The following ZBTB45 variants were observed in gnomAD, a reference collection of about 807,000 sequenced individuals.
The protein encoded by ZBTB45 is zinc finger and BTB domain containing 45.
Under a neutral mutation model 28.4 loss-of-function variants are expected in ZBTB45, and 22 were observed. That is an observed-to-expected ratio of 0.77 (90% CI 0.55 to 1.10). ZBTB45 has a LOEUF of 1.10. Ranked by LOEUF, ZBTB45 falls within the 50% of genes least tolerant of loss-of-function variation. The pLI is 0.00. For synonymous variants in ZBTB45, 361 were observed against 332.3 expected, an observed-to-expected ratio of 1.09 and a Z score of -0.94; for missense variants, 656 against 750.2, an observed-to-expected ratio of 0.87 and a Z score of 1.47.
upstream of ZBTB45, among the ~76,000 whole-genome samples, chr19:58,522,570 G>A (rs572447592): frequency 6.6e-6 from 1 of 152,240 alleles, no homozygotes; most frequent in East Asian, 2.0e-4. Flanking sequence ...GGGAGGCAGA[G>A]GTTATAGTGA....
chr19:58,524,654 C>T (rs12972597), upstream of ZBTB45, among the ~76,000 whole-genome samples: 5,006 of 151,860 alleles, frequency 0.033, 109 homozygotes, highest in Non-Finnish European at 0.051. Context: ...GAGGCCGAGG[C>T]GGGCGGATCA....
Position 58,516,611 on chromosome 19 carries a change from C to A in ZBTB45, c.1063G>T (p.Ala355Ser). ...GTGGGGTAGAAGGCGGGTGGGGGCG[C>A]AGGGGCTGGCCCCGATGGTGCTGAA... ...PPSAPSGPAP[A>S]PPPAFYPTLQ... The change falls in exon 2 of 3, where the codon GCG becomes TCG. Residue 355 changes from alanine (A) to serine (S), a missense_variant. Transcript: ENST00000594051. The surrounding 1 kb of genome is among the most constrained non-coding windows in gnomAD (Gnocchi z 6.2). The A allele has an allele frequency of 1.3e-5, 20 of 1,558,370 alleles. No homozygotes were observed. Among genetic ancestry groups the A allele is most frequent in the Non-Finnish European group, 1.6e-5 (18 of 1,152,774 alleles).
At chr19:58,537,570 A>T (rs1314034359) in intron 1 of ZBTB45, among the ~76,000 whole-genome samples, 3 of 151,408 alleles carry the variant, frequency 2.0e-5, no homozygotes, top group Non-Finnish European at 4.4e-5. Context: ...ACCTCCCACC[A>T]CTCCTCACTA....
rs550589142 is a variant in ZBTB45, at chr19:58,517,185, C to T, written c.489G>A (p.Gly163=). The T allele has an allele frequency of 3.7e-6, 6 of 1,606,674 alleles. No individual in the cohort carries two copies. The East Asian group carries it at 8.9e-5, about 24-fold the overall frequency. Residue 163 remains glycine (G), a synonymous_variant, in exon 2 of 3, where the codon GGG becomes GGA. Coordinates refer to ENST00000594051, the MANE Select transcript of ZBTB45 (RefSeq NM_001316979.2). ...LRHLLAARPP[G]HPGAAHSRKQ... ...TACGGCTGTGTGCAGCACCGGGGTG[C>T]CCCGGGGGACGTGCAGCCAGCAGGT...
intron 1 of ZBTB45, among the ~76,000 whole-genome samples, chr19:58,530,493 A>G (rs2053630448): frequency 6.6e-6 from 1 of 151,100 alleles, no homozygotes; most frequent in Non-Finnish European, 1.5e-5. Context: ...TTTAGTAGAG[A>G]TGGGGTTTCT....
rs922175496 is a variant in ZBTB45, at chr19:58,513,785, C to T, written c.*269G>A. The T allele has an allele frequency of 1.3e-4, 51 of 385,932 alleles. No homozygotes were observed. The highest frequency in any genetic ancestry group is 1.3e-3 in the Middle Eastern group (2 of 1,526). The allele number at this position is 385,932 out of a possible 1,614,324, so 23.9% of individuals were successfully genotyped here. A position where few individuals can be genotyped will look rare whatever the true frequency, so the allele number is the denominator to read the frequency against. Reference sequence around the variant, plus strand: ...TGGGCCGGGTCCAAGCGCCTGAGCGCCCGGTTTACGCAGGAAATAGTCCAG... The same window carrying T: ...TGGGCCGGGTCCAAGCGCCTGAGCGTCCGGTTTACGCAGGAAATAGTCCAG... On this transcript the variant is annotated 3_prime_UTR_variant, in exon 3 of 3. Coordinates refer to ENST00000594051, the MANE Select transcript of ZBTB45 (RefSeq NM_001316979.2).
chr19:58,516,299 G>C lies in ZBTB45; in HGVS notation c.1279+96C>G, dbSNP rs2053492360. 6.8e-7 allele frequency: 1 copy of C among 1,468,796 alleles called. No individual in the cohort carries two copies. The highest frequency in any genetic ancestry group is 1.9e-5 in the Admixed American group (1 of 51,380). 91.0% of individuals were successfully genotyped at this position (1,468,796 alleles called of 1,614,324 possible). A position where few individuals can be genotyped will look rare whatever the true frequency, so the allele number is the denominator to read the frequency against. On this transcript the variant is annotated intron_variant, in intron 2 of 2. Transcript: ENST00000594051. The surrounding 1 kb of genome is among the most constrained non-coding windows in gnomAD (Gnocchi z 6.2). ...GGCCCCCTGCTAACCAAAAGTAACA[G>C]AACAGTGCCAGTGCCCTGTAACTAG...
At chr19:58,535,334 A>T (rs1273353788) in intron 1 of ZBTB45, among the ~76,000 whole-genome samples, 1 of 151,950 alleles carries the variant, frequency 6.6e-6, no homozygotes, top group Non-Finnish European at 1.5e-5. Context: ...TAAAAAATGT[A>T]CTTTAATAAT....
intron 1 of ZBTB45, among the ~76,000 whole-genome samples, chr19:58,537,779 T>C (rs1311873597): frequency 6.6e-6 from 1 of 151,606 alleles, no homozygotes; most frequent in East Asian, 1.9e-4. Context: ...CACGTCCCCC[T>C]CTCCCGTGAT....
chr19:58,528,417 C>T (rs920777606), intron 1 of ZBTB45, among the ~76,000 whole-genome samples: 8 of 151,534 alleles, frequency 5.3e-5, no homozygotes, highest in Non-Finnish European at 1.2e-4. Flanking sequence ...GAGCTGAGAT[C>T]GCGCCACTGC....
At chr19:58,529,389 C>T (rs1231016132) in intron 1 of ZBTB45, among the ~76,000 whole-genome samples, 2 of 152,162 alleles carry the variant, frequency 1.3e-5, no homozygotes, top group Non-Finnish European at 2.9e-5. Flanking sequence ...CAGGATCGTA[C>T]CACCGCACTC....
intron 1 of ZBTB45, among the ~76,000 whole-genome samples, chr19:58,525,592 C>T (rs938456432): frequency 2.0e-5 from 3 of 152,066 alleles, no homozygotes; most frequent in African/African-American, 7.2e-5. Context: ...AGCCCCAGGC[C>T]CTGGTGGAGC....
At chr19:58,526,981 C>A (rs539450897) in intron 1 of ZBTB45, among the ~76,000 whole-genome samples, 1 of 152,112 alleles carries the variant, frequency 6.6e-6, no homozygotes, top group Non-Finnish European at 1.5e-5. Flanking sequence ...TTGTGGCCCA[C>A]CACACCTGGC....
At position 58,517,005 on chromosome 19, in the gene ZBTB45, G is replaced by A. The variant is rs749600006; in HGVS notation, c.669C>T (p.Gly223=). Reference sequence around the variant, plus strand: ...GGCCCTCGCCTGGGCCGCCACCTTCGCCATCCTCGCCATCGGTCTCATCGT... The same window carrying A: ...GGCCCTCGCCTGGGCCGCCACCTTCACCATCCTCGCCATCGGTCTCATCGT... ...ESDDETDGED[G]EGGGPGEGQA... The change falls in exon 2 of 3, where the codon GGC becomes GGT. Residue 223 remains glycine (G), a synonymous_variant. Coordinates refer to ENST00000594051, the MANE Select transcript of ZBTB45 (RefSeq NM_001316979.2). The A allele has an allele frequency of 6.2e-6, 10 of 1,613,084 alleles. No individual in the cohort carries two copies. Among genetic ancestry groups the A allele is most frequent in the South Asian group, 1.1e-5 (1 of 91,092 alleles).
At chr19:58,527,803 G>A (rs2053615600) in intron 1 of ZBTB45, among the ~76,000 whole-genome samples, 1 of 152,104 alleles carries the variant, frequency 6.6e-6, no homozygotes, top group African/African-American at 2.4e-5. Flanking sequence ...TCTCCACCCT[G>A]CCTGCTTTGT....
At chr19:58,526,291 C>A (rs987003704) in intron 1 of ZBTB45, among the ~76,000 whole-genome samples, 1 of 151,866 alleles carries the variant, frequency 6.6e-6, no homozygotes, top group African/African-American at 2.4e-5. Flanking sequence ...CTCACTGCAA[C>A]CTCCACCTCC....
At chr19:58,533,748 T>G (rs554799116) in intron 1 of ZBTB45, among the ~76,000 whole-genome samples, 1 of 152,268 alleles carries the variant, frequency 6.6e-6, no homozygotes, top group East Asian at 1.9e-4. Flanking sequence ...CACCTTCTGC[T>G]AAAATCTTCT....
chr19:58,530,430 C>T (rs2053630108), intron 1 of ZBTB45, among the ~76,000 whole-genome samples: 2 of 152,070 alleles, frequency 1.3e-5, no homozygotes, highest in East Asian at 3.9e-4. Flanking sequence ...GCCTCGCCTC[C>T]CAAGTAGCTG....
rs1308030709 is a variant in ZBTB45, at chr19:58,515,441, A to G, written c.1279+954T>C. ...CTCAGATCACACACTTCACACAGCC[A>G]GCACTACCCTGGGGCCTCTGGCAGT... On this transcript the variant is annotated intron_variant, in intron 2 of 2. Transcript: ENST00000594051. The surrounding 1 kb of genome is among the most constrained non-coding windows in gnomAD (Gnocchi z 4.7). Among the ~76,000 whole-genome samples, 1 of 152,032 alleles carries G rather than the reference A, an allele frequency of 6.6e-6. No individual in the cohort carries two copies. The highest frequency in any genetic ancestry group is 1.5e-5 in the Non-Finnish European group (1 of 67,990).
Sources: allele counts gnomAD v4.1 joint callset (sites outside exome capture counted in the v4.1 genomes callset), GRCh38; gene constraint gnomAD v4.1.1; non-coding constraint Gnocchi (gnomAD v3.1); transcripts MANE v1.5; gene names NCBI Gene and HGNC (gene_info 2026-07-23, HGNC 2026-07-21).